Variants in PKHD1 observed in about 807,000 individuals in gnomAD.
The protein encoded by PKHD1 is fibrocystin.
In PKHD1, 291 loss-of-function variants were observed where a neutral mutation model predicts 412.0. The observed-to-expected ratio is 0.71, with a 90% confidence interval of 0.64 to 0.78. The LOEUF (loss-of-function observed/expected upper bound fraction) is 0.78. Ranked by LOEUF, PKHD1 falls within the 30% of genes least tolerant of loss-of-function variation. The pLI, the probability that PKHD1 is intolerant of heterozygous loss-of-function variation, is 0.00. For missense variants in PKHD1, 4,825 were observed against 4,950.7 expected (o/e 0.97, Z 0.76); for synonymous variants, 1,777 against 1,821.5 (o/e 0.98, Z 0.62).
chr6:51,667,458 T>A (rs1774026799), intron 60 of PKHD1, among the ~76,000 whole-genome samples: 1 of 149,270 alleles, frequency 6.7e-6, no homozygotes. Context: ...CTTTGTCAGA[T>A]GAGTAGGTTG....
chr6:51,881,061 C>G (rs1006421594), intron 46 of PKHD1, among the ~76,000 whole-genome samples: 1 of 143,654 alleles, frequency 7.0e-6, no homozygotes. Context: ...AGGTCAGGAA[C>G]CCTCTTTTTC....
At chr6:51,971,993 A>C (rs540727882) in intron 35 of PKHD1, among the ~76,000 whole-genome samples, 1 of 152,022 alleles carries the variant, frequency 6.6e-6, no homozygotes, top group Admixed American at 6.6e-5. Context: ...CGGCCTCCCA[A>C]AGTGCTGGGA....
intron 55 of PKHD1, among the ~76,000 whole-genome samples, chr6:51,763,727 T>C (rs9382015): frequency 0.32 from 48,572 of 151,894 alleles, 9,637 homozygotes; most frequent in East Asian, 0.69. Flanking sequence ...CTCCTGCCTT[T>C]AAATCTGCCC....
intron 36 of PKHD1, among the ~76,000 whole-genome samples, chr6:51,954,854 T>C (rs1790882643): frequency 6.6e-6 from 1 of 151,984 alleles, no homozygotes; most frequent in South Asian, 2.1e-4. Flanking sequence ...CTACTTCACA[T>C]CAAGCTGCTT....
At chr6:51,801,003 C>A (rs992625431) in intron 52 of PKHD1, among the ~76,000 whole-genome samples, 1 of 152,006 alleles carries the variant, frequency 6.6e-6, no homozygotes, top group Non-Finnish European at 1.5e-5. Flanking sequence ...AATATGTGAA[C>A]CAAAGGAAAA....
intron 66 of PKHD1, among the ~76,000 whole-genome samples, chr6:51,624,601 C>T (rs1004407627): frequency 5.3e-5 from 8 of 152,220 alleles, no homozygotes; most frequent in Admixed American, 2.6e-4. Flanking sequence ...AAGGCAGGGG[C>T]GGGTCTTTTT....
chr6:51,840,175 AG>A (rs1769924151), intron 50 of PKHD1, among the ~76,000 whole-genome samples: 1 of 152,114 alleles, frequency 6.6e-6, no homozygotes, highest in Non-Finnish European at 1.5e-5. Context: ...TCTTTGGCTT[AG>A]CCACAGAGAA....
In PKHD1 at chr6:51,638,872, A is replaced by G; in HGVS notation, c.11483T>C (p.Ile3828Thr). The G allele has an allele frequency of 1.2e-6, 2 of 1,611,216 alleles. No individual in the cohort carries two copies. Among genetic ancestry groups the G allele is most frequent in the South Asian group, 2.2e-5 (2 of 91,030 alleles). ...ACCTGGAGGAGAAGTGACAGTAAAA[A>G]TAAAGTGCCAGTTTGACCCAGAGAT... Reference protein sequence around the residue: ...VLISGSNWHFIFTVTSPPGVN... With the variant: ...VLISGSNWHFTFTVTSPPGVN... Residue 3828 changes from isoleucine (I) to threonine (T), a missense_variant, in exon 64 of 67, where the codon ATT (isoleucine) becomes ACT (threonine). Physicochemically the swap from Ile to Thr is moderately conservative, Grantham distance 89. Coordinates refer to ENST00000371117, the MANE Select transcript of PKHD1 (RefSeq NM_138694.4).
Position 52,025,900 on chromosome 6 carries a change from T to C in PKHD1, c.3910A>G (p.Thr1304Ala). 6.2e-7 allele frequency: 1 copy of C among 1,614,134 alleles called. No individual in the cohort carries two copies. The highest frequency in any genetic ancestry group is 8.5e-7 in the Non-Finnish European group (1 of 1,180,038). The change falls in exon 32 of 67, where the codon ACT becomes GCT. Residue 1304 changes from threonine (T) to alanine (A), a missense_variant. By Grantham distance (58) the Thr-to-Ala change is moderately conservative (BLOSUM62 0). Transcript: ENST00000371117. ...MYEAAATPVV[T>A]AMQGEITNSS... Reference sequence around the variant, plus strand: ...TTTGTGATTTCTCCTTGCATGGCAGTGACTACTGGTGTTGCTGCCGCTTCA... The same window carrying C: ...TTTGTGATTTCTCCTTGCATGGCAGCGACTACTGGTGTTGCTGCCGCTTCA...
intron 35 of PKHD1, among the ~76,000 whole-genome samples, chr6:52,002,351 TC>T (rs1323846996): frequency 6.6e-6 from 1 of 152,030 alleles, no homozygotes; most frequent in Non-Finnish European, 1.5e-5. Flanking sequence ...GCCCCAGGAG[TC>T]CTGTTCACTG....
intron 60 of PKHD1, among the ~76,000 whole-genome samples, chr6:51,696,868 G>A (rs1778862615): frequency 6.6e-6 from 1 of 152,132 alleles, no homozygotes; most frequent in South Asian, 2.1e-4. Flanking sequence ...GAGGAAAACA[G>A]TATTTAGTCT....
chr6:51,710,265 T>A (rs1342050062), intron 60 of PKHD1, among the ~76,000 whole-genome samples: 2 of 152,142 alleles, frequency 1.3e-5, no homozygotes, highest in Non-Finnish European at 2.9e-5. Context: ...AGTTTGGGAA[T>A]CTTCTGGCTC....
intron 52 of PKHD1, among the ~76,000 whole-genome samples, chr6:51,800,006 T>C (rs1350160867): frequency 6.6e-6 from 1 of 152,128 alleles, no homozygotes; most frequent in African/African-American, 2.4e-5. Flanking sequence ...CACTGGCATA[T>C]GGAGGGAACC....
At chr6:51,899,124 C>A (rs1449493196) in intron 43 of PKHD1, among the ~76,000 whole-genome samples, 1 of 152,166 alleles carries the variant, frequency 6.6e-6, no homozygotes, top group African/African-American at 2.4e-5. Context: ...TGAAACTATT[C>A]CAATCCATAG....
intron 35 of PKHD1, among the ~76,000 whole-genome samples, chr6:51,971,575 T>A (rs1042690242): frequency 6.6e-6 from 1 of 152,188 alleles, no homozygotes; most frequent in African/African-American, 2.4e-5. Flanking sequence ...CCACAAGGAC[T>A]TCTATGTAGT....
At chr6:51,959,382 C>G (rs1791643002) in intron 36 of PKHD1, among the ~76,000 whole-genome samples, 1 of 152,074 alleles carries the variant, frequency 6.6e-6, no homozygotes, top group Non-Finnish European at 1.5e-5. Flanking sequence ...CTTCCAACTT[C>G]ATAAACCCTA....
intron 36 of PKHD1, 143 bp from the exon 37 acceptor site, chr6:51,934,465 C>G (rs969093892): frequency 1.4e-6 from 1 of 697,574 alleles, no homozygotes; most frequent in Non-Finnish European, 2.6e-6. Context: ...CTTGTAGAAG[C>G]ACAGTAGGGT....
In PKHD1 at chr6:51,903,653, G is replaced by A. The variant is rs369721793; in HGVS notation, c.6940C>T (p.Pro2314Ser). 6.8e-6 allele frequency: 11 copies of A among 1,610,798 alleles called. No homozygotes were observed. Among genetic ancestry groups the A allele is most frequent in the Admixed American group, 6.7e-5 (4 of 59,932 alleles). ...ATGCCAGATGGTGTCAACATTTCAG[G>A]ATTGGAGAGTCCCTCGGCACCAGAA... ...QVSGAEGLSN[P>S]EMLTPSGIYI... The change falls in exon 43 of 67, where the codon CCT (proline) becomes TCT (serine). Residue 2314 changes from proline (P) to serine (S), a missense_variant. By Grantham distance (74) the Pro-to-Ser change is moderately conservative. Coordinates refer to ENST00000371117, the MANE Select transcript of PKHD1 (RefSeq NM_138694.4).
chr6:51,960,652 A>G (rs2127950911), intron 35 of PKHD1, among the ~76,000 whole-genome samples: 1 of 152,238 alleles, frequency 6.6e-6, no homozygotes, highest in Non-Finnish European at 1.5e-5. Context: ...TGCCTGGTGC[A>G]TCAGGGCTGA....
Sources: allele counts gnomAD v4.1 joint callset (sites outside exome capture counted in the v4.1 genomes callset), GRCh38; gene constraint gnomAD v4.1.1; transcripts MANE v1.5; gene names NCBI Gene and HGNC (gene_info 2026-07-23, HGNC 2026-07-21).